The following ATRNL1 variants were observed in gnomAD, a reference collection of about 807,000 sequenced individuals.
ATRNL1 encodes attractin like 1.
ATRNL1 carries 95 observed loss-of-function variants against 182.7 expected under a neutral mutation model. That is an observed-to-expected ratio of 0.52 (90% CI 0.44 to 0.62). ATRNL1 has a LOEUF of 0.62. Among genes scored for constraint, ATRNL1 ranks in the 20% least tolerant of loss-of-function variants. The pLI, the probability that ATRNL1 is intolerant of heterozygous loss-of-function variation, is 0.00. For synonymous variants in ATRNL1, 576 were observed against 568.3 expected (o/e 1.01, Z -0.19); for missense variants, 1,471 against 1,679.5 (o/e 0.88, Z 2.17).
chr10:115,551,971 A>C (rs1198763071), intron 26 of ATRNL1, among the ~76,000 whole-genome samples: 1 of 151,408 alleles, frequency 6.6e-6, no homozygotes, highest in African/African-American at 2.4e-5. Context: ...TAATTGTTCT[A>C]TTTCATTATT....
At chr10:115,928,835 G>C (rs190811735) in intron 28 of ATRNL1, among the ~76,000 whole-genome samples, 4 of 151,918 alleles carry the variant, frequency 2.6e-5, no homozygotes, top group Non-Finnish European at 5.9e-5. Context: ...CTGTGTTTGT[G>C]GGTGTGAAAA....
intron 26 of ATRNL1, among the ~76,000 whole-genome samples, chr10:115,659,472 C>G (rs1288801726): frequency 2.6e-5 from 4 of 152,076 alleles, no homozygotes; most frequent in African/African-American, 9.7e-5. Flanking sequence ...CAGGCAGTCT[C>G]CTGGGCCCAC....
Position 115,710,586 on chromosome 10 carries a change from G to A in ATRNL1, c.3796-16662G>A, listed in dbSNP as rs550581282. Among the ~76,000 whole-genome samples, 15 of 152,222 alleles carry A rather than the reference G, an allele frequency of 9.9e-5. No individual in the cohort carries two copies. In the South Asian group the frequency reaches 3.1e-3, roughly 31 times the overall value. ...TTGCTAATAGCTTTAACTTTGAGAA[G>A]ACAGAGAGAATAGTAAGATAAACAA... On this transcript the variant is annotated intron_variant, in intron 26 of 28. Coordinates refer to ENST00000355044, the MANE Select transcript of ATRNL1 (RefSeq NM_207303.4).
chr10:115,633,064 T>C (rs2133835901), intron 26 of ATRNL1, among the ~76,000 whole-genome samples: 1 of 152,040 alleles, frequency 6.6e-6, no homozygotes, highest in East Asian at 1.9e-4. Flanking sequence ...GGGTAATTTT[T>C]GTATTTTGTT....
chr10:115,808,113 A>C (rs2134249862), intron 27 of ATRNL1, among the ~76,000 whole-genome samples: 1 of 152,334 alleles, frequency 6.6e-6, no homozygotes, highest in East Asian at 1.9e-4. Context: ...AGTAACAATA[A>C]GTGATTGAAA....
intron 7 of ATRNL1, among the ~76,000 whole-genome samples, chr10:115,166,652 A>C (rs1245756450): frequency 1.3e-5 from 2 of 151,922 alleles, no homozygotes; most frequent in Non-Finnish European, 2.9e-5. Context: ...CTAATGATTA[A>C]TGATGTTAAA....
chr10:115,861,708 G>A (rs1192431049), intron 28 of ATRNL1, among the ~76,000 whole-genome samples: 5 of 151,866 alleles, frequency 3.3e-5, no homozygotes, highest in African/African-American at 7.3e-5. Context: ...AATTTGTTTC[G>A]GTCTTTTGTT....
intron 9 of ATRNL1, among the ~76,000 whole-genome samples, chr10:115,225,676 C>A (rs1849666807): frequency 6.6e-6 from 1 of 150,632 alleles, no homozygotes; most frequent in Admixed American, 6.6e-5. Context: ...TGTGCAGGAT[C>A]TTTACACAGA....
At chr10:115,485,019 A>AAG (rs1848953935) in intron 24 of ATRNL1, among the ~76,000 whole-genome samples, 2 of 151,912 alleles carry the variant, frequency 1.3e-5, no homozygotes, top group African/African-American at 4.8e-5. Flanking sequence ...CCATCACTTG[A>AAG]TCATGGTCTG....
intron 26 of ATRNL1, among the ~76,000 whole-genome samples, chr10:115,573,011 C>G (rs1385621685): frequency 6.6e-6 from 1 of 152,168 alleles, no homozygotes; most frequent in Non-Finnish European, 1.5e-5. Context: ...GCTCTTTCAG[C>G]TTTGCCTTCC....
chr10:115,864,493 C>T (rs1951389182), intron 28 of ATRNL1, among the ~76,000 whole-genome samples: 1 of 152,108 alleles, frequency 6.6e-6, no homozygotes, highest in Admixed American at 6.5e-5. Flanking sequence ...TCCCACAAGA[C>T]ATTTATTGAT....
chr10:115,587,330 T>G (rs61881060), intron 26 of ATRNL1, among the ~76,000 whole-genome samples: 71,589 of 151,418 alleles, frequency 0.47, 18,357 homozygotes, highest in East Asian at 0.84. Flanking sequence ...GACCAAGCCT[T>G]GGCAATGGCG....
intron 27 of ATRNL1, among the ~76,000 whole-genome samples, chr10:115,747,255 G>A (rs1030468765): frequency 4.6e-5 from 7 of 152,098 alleles, no homozygotes; most frequent in Non-Finnish European, 1.0e-4. Context: ...ACCTGTGCTA[G>A]AATGATGATC....
chr10:115,361,569 C>A (rs1053110996), intron 19 of ATRNL1, among the ~76,000 whole-genome samples: 2 of 152,040 alleles, frequency 1.3e-5, no homozygotes, highest in Non-Finnish European at 2.9e-5. Context: ...CACAACCTCA[C>A]CTACATCAAT....
At chr10:115,445,013 G>T (rs1202261782) in intron 21 of ATRNL1, among the ~76,000 whole-genome samples, 2 of 151,846 alleles carry the variant, frequency 1.3e-5, no homozygotes, top group African/African-American at 4.8e-5. Flanking sequence ...TTACAGGCTT[G>T]AGCCACTGCA....
intron 9 of ATRNL1, among the ~76,000 whole-genome samples, chr10:115,239,912 CCA>C (rs1461011608): frequency 4.6e-5 from 7 of 152,098 alleles, no homozygotes; most frequent in African/African-American, 1.4e-4. Context: ...TGGTATCCTG[CCA>C]CTCCTAGTGA....
intron 26 of ATRNL1, among the ~76,000 whole-genome samples, chr10:115,588,218 C>T (rs1026398943): frequency 4.6e-5 from 7 of 152,134 alleles, no homozygotes; most frequent in Admixed American, 6.5e-5. Context: ...TCTCATCCCT[C>T]TCTCACCCCC....
chr10:115,733,662 T>C (rs1947865495), intron 27 of ATRNL1, among the ~76,000 whole-genome samples: 2 of 152,208 alleles, frequency 1.3e-5, no homozygotes, highest in South Asian at 4.1e-4. Context: ...CCCTGGTTCC[T>C]CATTCCTGTC....
intron 20 of ATRNL1, among the ~76,000 whole-genome samples, chr10:115,405,836 T>TC (rs1285045275): frequency 2.4e-5 from 2 of 82,280 alleles, no homozygotes; most frequent in African/African-American, 4.9e-5. Context: ...ATGCTATCCC[T>TC]CCCCCCTCCC....
Sources: allele counts gnomAD v4.1 joint callset (sites outside exome capture counted in the v4.1 genomes callset), GRCh38; gene constraint gnomAD v4.1.1; transcripts MANE v1.5; gene names NCBI Gene and HGNC (gene_info 2026-07-23, HGNC 2026-07-21).